DNAJB1: variants seen among roughly 807,000 people sequenced by gnomAD.
DNAJB1 encodes DnaJ heat shock protein family (Hsp40) member B1.
DNAJB1 carries 14 observed loss-of-function variants against 24.0 expected under a neutral mutation model. The ratio of observed to expected loss-of-function variants is 0.58; its 90% confidence interval spans 0.39 to 0.91. DNAJB1 has a LOEUF of 0.91. Among genes scored for constraint, DNAJB1 ranks in the 40% least tolerant of loss-of-function variants. The pLI, the probability that DNAJB1 is intolerant of heterozygous loss-of-function variation, is 0.00. For missense variants in DNAJB1, 517 were observed against 458.1 expected, an observed-to-expected ratio of 1.13 and a Z score of -1.17; for synonymous variants, 262 against 174.4, an observed-to-expected ratio of 1.50 and a Z score of -3.96.
intron 1 of DNAJB1, among the ~76,000 whole-genome samples, chr19:14,549,211 CT>C (rs561284094): frequency 2.5e-3 from 282 of 111,156 alleles, no homozygotes; most frequent in East Asian, 0.017. Flanking sequence ...TTTAATTGGA[CT>C]TTTTTTTTTT....
At chr19:14,550,555 C>T (rs767672322), upstream of DNAJB1, among the ~76,000 whole-genome samples, 2 of 152,150 alleles carry the variant, frequency 1.3e-5, no homozygotes, top group South Asian at 4.2e-4. Context: ...AACTGCCACC[C>T]AGCTGTGGGT....
upstream of DNAJB1, among the ~76,000 whole-genome samples, chr19:14,521,607 G>C (rs1044066491): frequency 1.3e-5 from 2 of 152,036 alleles, no homozygotes; most frequent in African/African-American, 2.4e-5. Flanking sequence ...GTAAGCCTGG[G>C]TCATGTTCAG....
chr19:14,547,559 A>C (rs1028754941), intron 1 of DNAJB1, among the ~76,000 whole-genome samples: 5 of 151,938 alleles, frequency 3.3e-5, no homozygotes, highest in Admixed American at 1.3e-4. Flanking sequence ...ATGAGTTTTC[A>C]CCATGTTAGC....
At chr19:14,547,661 ATTT>A (rs71166755) in intron 1 of DNAJB1, among the ~76,000 whole-genome samples, 1 of 142,934 alleles carries the variant, frequency 7.0e-6, no homozygotes. Flanking sequence ...TGTACCTAAT[ATTT>A]TTTTTTTTTT....
chr19:14,540,216 C>T (rs541542056), intron 1 of DNAJB1, among the ~76,000 whole-genome samples: 55 of 151,714 alleles, frequency 3.6e-4, no homozygotes, highest in Non-Finnish European at 6.5e-4. Flanking sequence ...CCCACCACCA[C>T]GCCTGGCTAA....
At chr19:14,541,330 G>A (rs566142841) in intron 1 of DNAJB1, among the ~76,000 whole-genome samples, 18 of 152,112 alleles carry the variant, frequency 1.2e-4, no homozygotes, top group African/African-American at 3.6e-4. Flanking sequence ...CATCCTGCCC[G>A]TGGCTGTCCT....
At chr19:14,545,359 TC>T (rs568850609) in intron 1 of DNAJB1, among the ~76,000 whole-genome samples, 247 of 152,262 alleles carry the variant, frequency 1.6e-3, no homozygotes, top group Non-Finnish European at 3.0e-3. Flanking sequence ...AAATCCCATT[TC>T]CTCAGCAGGG....
chr19:14,552,827 C>T (rs972210690), upstream of DNAJB1, among the ~76,000 whole-genome samples: 1 of 152,074 alleles, frequency 6.6e-6, no homozygotes, highest in Non-Finnish European at 1.5e-5. Context: ...TGAGCCACTG[C>T]GCCCGGCCCA....
chr19:14,556,413 A>AAAAAAAAC (rs142293376), intron 1 of DNAJB1, among the ~76,000 whole-genome samples: 2 of 86,514 alleles, frequency 2.3e-5, no homozygotes, highest in Non-Finnish European at 3.2e-5. Context: ...TCTCTCAAAA[A>AAAAAAAAC]AAAAACAAAA....
Position 14,515,725 on chromosome 19 carries a change from G to C in DNAJB1, c.*215C>G. 1.9e-6 allele frequency: 1 copy of C among 524,726 alleles called. No homozygotes were observed. Among genetic ancestry groups the C allele is most frequent in the Non-Finnish European group, 3.3e-6 (1 of 302,738 alleles). The allele number at this position is 524,726 out of a possible 1,614,324, so 32.5% of individuals were successfully genotyped here. On this transcript the variant is annotated 3_prime_UTR_variant, in exon 3 of 3. Coordinates refer to ENST00000254322, the MANE Select transcript of DNAJB1 (RefSeq NM_006145.3). ...GGGGCAGACTGGAATGCCTTTTCCT[G>C]CTGTTCCCACCACCTGATGCCCTAT...
chr19:14,535,945 T>A (rs981870057), intron 1 of DNAJB1, among the ~76,000 whole-genome samples: 5 of 151,992 alleles, frequency 3.3e-5, no homozygotes, highest in African/African-American at 1.2e-4. Flanking sequence ...ATTCTCCTGG[T>A]GGAGTCCCTT....
In DNAJB1 at chr19:14,543,419, A is replaced by T. The variant is rs12984988; in HGVS notation, c.-214+6789T>A. On this transcript the variant is annotated intron_variant, in intron 1 of 3. Transcript: ENST00000676982. ...TATATATATATATATATATATATAT[A>T]TTTTTTTTTTTTTTTTTTTTTTTTT... Among the ~76,000 whole-genome samples the T allele has an allele frequency of 9.2e-3, 201 of 21,762 alleles. 15 individuals are homozygous for T. Among genetic ancestry groups the T allele is most frequent in the Non-Finnish European group, 0.011 (144 of 13,680 alleles). The allele number at this position is 21,762 out of a possible 152,430, so 14.3% of individuals were successfully genotyped here. A position where few individuals can be genotyped will look rare whatever the true frequency, so the allele number is the denominator to read the frequency against.
At chr19:14,518,401 G>C (rs549452073), upstream of DNAJB1, 21 of 1,501,260 alleles carry the variant, frequency 1.4e-5, no homozygotes, top group Non-Finnish European at 1.9e-5. Context: ...CGGCTCCGCC[G>C]CCGACCAGTC....
chr19:14,524,726 A>T (rs2072399071), intron 2 of DNAJB1, among the ~76,000 whole-genome samples: 1 of 150,118 alleles, frequency 6.7e-6, no homozygotes, highest in Admixed American at 6.7e-5. Flanking sequence ...TGCACCTGTA[A>T]TCCCAGCTAT....
At chr19:14,530,941 CT>C (rs143542844), upstream of DNAJB1, 1 of 152,330 alleles carries the variant, frequency 6.6e-6, no homozygotes, top group African/African-American at 2.4e-5. Flanking sequence ...CTCCCCATTC[CT>C]CTCCACCTCC....
chr19:14,544,452 C>A (rs1471940539), intron 1 of DNAJB1, among the ~76,000 whole-genome samples: 4 of 152,014 alleles, frequency 2.6e-5, no homozygotes, highest in Admixed American at 6.6e-5. Context: ...TCAAAAGTCA[C>A]TGCAACTGAT....
chr19:14,517,948 C>CA (rs2072303356), intron 1 of DNAJB1, 191 bp downstream of exon 1: 5 of 517,644 alleles, frequency 9.7e-6, no homozygotes, highest in Admixed American at 4.4e-5. Flanking sequence ...GGCCGAGCGG[C>CA]TGGGCCAAGG....
At chr19:14,516,405 C>A in intron 2 of DNAJB1, 61 bp downstream of exon 2, 1 of 1,547,962 alleles carries the variant, frequency 6.5e-7, no homozygotes, top group South Asian at 1.2e-5. Flanking sequence ...TCAGCAAATA[C>A]TAAACTGCTT....
intron 1 of DNAJB1, among the ~76,000 whole-genome samples, chr19:14,543,413 ATATATATTTTTTTTTTTTTTTTTTTTT>A (rs1304267496): frequency 7.3e-4 from 7 of 9,546 alleles, no homozygotes; most frequent in Non-Finnish European, 1.8e-3. Flanking sequence ...ATATATATAT[ATATATATTTTTTTTTTTTTTTTTTTTT>A]TTTTTTTTTT....
Sources: allele counts gnomAD v4.1 joint callset (sites outside exome capture counted in the v4.1 genomes callset), GRCh38; gene constraint gnomAD v4.1.1; transcripts MANE v1.5; gene names NCBI Gene and HGNC (gene_info 2026-07-23, HGNC 2026-07-21).